AHNAK: variants seen among roughly 807,000 people sequenced by gnomAD.
The protein encoded by AHNAK is AHNAK nucleoprotein.
A neutral mutation model predicts 37.8 loss-of-function variants in AHNAK; 23 were observed. The observed-to-expected ratio is 0.61, with a 90% confidence interval of 0.44 to 0.86. AHNAK has a LOEUF of 0.86. AHNAK is among the 40% of genes least tolerant of loss of function. AHNAK has a pLI of 0.00. For synonymous variants in AHNAK, 2,481 were observed against 2,636.3 expected, an observed-to-expected ratio of 0.94 and a Z score of 1.80; for missense variants, 7,411 against 7,319.4, an observed-to-expected ratio of 1.01 and a Z score of -0.46.
At chr11:62,466,519 C>G (rs989530655) in intron 5 of AHNAK, among the ~76,000 whole-genome samples, 1 of 146,252 alleles carries the variant, frequency 6.8e-6, no homozygotes, top group African/African-American at 2.5e-5. Context: ...TTTCTCCCAA[C>G]TCAGTAAATG....
chr11:62,518,160 G>T lies in AHNAK; in HGVS notation c.16257C>A (p.Asp5419Glu). Residue 5419 changes from aspartate (D) to glutamate (E), a missense_variant, in exon 5 of 5, where the codon GAC becomes GAA. Asp to Glu is a conservative substitution (Grantham distance 45). Transcript: ENST00000378024. ...PQFGISTPGS[D>E]LHVNAKGPQV... ...GTGGCCCCTTGGCATTGACGTGCAA[G>T]TCGGACCCCGGAGTAGAGATGCCAA... 2 of 1,614,204 alleles carry T rather than the reference G, an allele frequency of 1.2e-6. No individual in the cohort carries two copies. The highest frequency in any genetic ancestry group is 1.7e-6 in the Non-Finnish European group (2 of 1,180,038).
At chr11:62,490,183 T>C (rs985997966) in intron 5 of AHNAK, among the ~76,000 whole-genome samples, 5 of 151,278 alleles carry the variant, frequency 3.3e-5, no homozygotes, top group African/African-American at 7.3e-5. Context: ...GGAGGCTTTC[T>C]TTCTTTTCTT....
chr11:62,523,108 ATTT>A lies in AHNAK; in HGVS notation c.11306_11308del (p.Lys3769del). 1 of 1,613,934 alleles carries A rather than the reference ATTT, an allele frequency of 6.2e-7. No homozygotes were observed. Among genetic ancestry groups the A allele is most frequent in the Non-Finnish European group, 8.5e-7 (1 of 1,179,970 alleles). ...TTCAGGACCCTTGAGGTCACCTTCC[ATTT>A]TGGGCAGAGAAACATCCACATCGCC... is the stretch of plus-strand genomic sequence containing the variant. On this transcript the variant is annotated inframe_deletion, in exon 5 of 5. Transcript: ENST00000378024.
intron 4 of AHNAK, among the ~76,000 whole-genome samples, chr11:62,505,009 C>T (rs1939783922): frequency 6.6e-6 from 1 of 152,170 alleles, no homozygotes; most frequent in South Asian, 2.1e-4. Flanking sequence ...CGCTGACACT[C>T]TCCAGGACCT....
intron 4 of AHNAK, among the ~76,000 whole-genome samples, chr11:62,504,887 G>C (rs1319515652): frequency 6.6e-6 from 1 of 152,136 alleles, no homozygotes; most frequent in African/African-American, 2.4e-5. Context: ...GTTTCAAAAT[G>C]CCCTAAGCTG....
At position 62,517,577 on chromosome 11, in the gene AHNAK, C is replaced by A. The variant is rs1242940953; in HGVS notation, c.16840G>T (p.Ala5614Ser). 2 of 1,614,080 alleles carry A rather than the reference C, an allele frequency of 1.2e-6. No homozygotes were observed. Among genetic ancestry groups the A allele is most frequent in the Non-Finnish European group, 1.7e-6 (2 of 1,180,044 alleles). ...SALNLDTSKF[A>S]GGLHFSGPKV... The stretch of plus-strand genomic sequence containing the variant: ...GGTCCTGAGAAATGAAGGCCCCCAG[C>A]AAACTTAGATGTGTCCAAGTTGAGA... Residue 5614 changes from alanine to serine, a missense_variant, in exon 5 of 5, where the codon GCT becomes TCT. Physicochemically the swap from Ala to Ser is moderately conservative, Grantham distance 99. Coordinates refer to ENST00000378024, the MANE Select transcript of AHNAK (RefSeq NM_001620.3).
Position 62,521,196 on chromosome 11 carries a change from CAG to C in AHNAK, c.13219_13220del (p.Leu4407AlafsTer6). ...PKVKGDVDVS[L>X]PKVEGDLKGP... Reference sequence around the variant, plus strand: ...CCTTGAGATCACCTTCCACTTTGGGCAGAGAGACATCCACATCACCTTTCACT... The same window carrying C: ...CCTTGAGATCACCTTCCACTTTGGGCAGAGACATCCACATCACCTTTCACT... On this transcript the variant is annotated frameshift_variant, in exon 5 of 5. Transcript: ENST00000378024. LOFTEE classifies it low-confidence loss of function (END_TRUNC). 1.2e-6 allele frequency: 2 copies of C among 1,613,318 alleles called. No individual in the cohort carries two copies. The highest frequency in any genetic ancestry group is 1.7e-6 in the Non-Finnish European group (2 of 1,179,800).
In AHNAK at chr11:62,525,660, G is replaced by A. The variant is rs769123063; in HGVS notation, c.8757C>T (p.Pro2919=). The A allele has an allele frequency of 1.2e-6, 2 of 1,613,376 alleles. No homozygotes were observed. The highest frequency in any genetic ancestry group is 2.2e-5 in the South Asian group (2 of 91,052). ...GGCCTGAGACATCAACGTCAGCCTT[G>A]GGCAGGTTCACATCCACTTCAGGGC... is the stretch of plus-strand genomic sequence containing the variant. ...AEGPEVDVNL[P]KADVDVSGPK... The change falls in exon 5 of 5, where the codon CCC becomes CCT. Residue 2919 remains proline, a synonymous_variant. Transcript: ENST00000378024.
Position 62,526,852 on chromosome 11 carries a change from C to T in AHNAK, c.7565G>A (p.Gly2522Asp). ...TACTTCAGGGCCCTCTGCTTTGAAG[C>T]CAGGCATGCTGAACTTGGGCATTTT... is the stretch of plus-strand genomic sequence containing the variant. ...KMKMPKFSMPGFKAEGPEVDV... is the reference protein window; with the variant it reads ...KMKMPKFSMPDFKAEGPEVDV... The change falls in exon 5 of 5, where the codon GGC becomes GAC. Residue 2522 changes from glycine to aspartate, a missense_variant. Coordinates refer to ENST00000378024, the MANE Select transcript of AHNAK (RefSeq NM_001620.3). 1.2e-6 allele frequency: 2 copies of T among 1,613,946 alleles called. No individual in the cohort carries two copies. Among genetic ancestry groups the T allele is most frequent in the Admixed American group, 1.7e-5 (1 of 59,992 alleles).
chr11:62,477,687 AG>A (rs1347450109), intron 5 of AHNAK, among the ~76,000 whole-genome samples: 4 of 152,140 alleles, frequency 2.6e-5, no homozygotes, highest in Admixed American at 1.3e-4. Context: ...CTGTAGTCCC[AG>A]CTACTAGGGA....
Position 62,529,478 on chromosome 11 carries a change from G to A in AHNAK, c.4939C>T (p.His1647Tyr), listed in dbSNP as rs1940642844. 6.2e-7 allele frequency: 1 copy of A among 1,614,060 alleles called. No individual in the cohort carries two copies. Among genetic ancestry groups the A allele is most frequent in the Admixed American group, 1.7e-5 (1 of 60,016 alleles). ...KGPKFKMPEM[H>Y]FKAPKISMPD... ...ATGGAGATCTTGGGGGCCTTGAAATGCATCTCAGGCATCTTAAACTTGGGG... is the reference window on the plus strand; with the variant it reads ...ATGGAGATCTTGGGGGCCTTGAAATACATCTCAGGCATCTTAAACTTGGGG... The change falls in exon 5 of 5, where the codon CAT (histidine) becomes TAT (tyrosine). Residue 1647 changes from histidine (H) to tyrosine (Y), a missense_variant. His to Tyr is a moderately conservative substitution (Grantham distance 83). Coordinates refer to ENST00000378024, the MANE Select transcript of AHNAK (RefSeq NM_001620.3).
In AHNAK at chr11:62,523,386, G is replaced by A; in HGVS notation, c.11031C>T (p.Asp3677=). 2 of 1,610,414 alleles carry A rather than the reference G, an allele frequency of 1.2e-6. No homozygotes were observed. The highest frequency in any genetic ancestry group is 1.7e-6 in the Non-Finnish European group (2 of 1,178,508). ...KAPKISMPDF[D]LNLKGPKMKG... is the part of the protein sequence containing the mutation. ...TCATTTTGGGTCCCTTCAAGTTCAG[G>A]TCAAAGTCAGGCATGGAGATCTTGG... The change falls in exon 5 of 5, where the codon GAC becomes GAT. Residue 3677 remains aspartate, a synonymous_variant. Transcript: ENST00000378024.
At chr11:62,461,858 A>G (rs1373459542) in intron 5 of AHNAK, among the ~76,000 whole-genome samples, 2 of 151,680 alleles carry the variant, frequency 1.3e-5, no homozygotes, top group Admixed American at 1.3e-4. Flanking sequence ...TCCACAGGAT[A>G]GTTCACGGCA....
At chr11:62,504,971 A>G (rs1939783417) in intron 4 of AHNAK, among the ~76,000 whole-genome samples, 1 of 152,218 alleles carries the variant, frequency 6.6e-6, no homozygotes. Flanking sequence ...TTTTAAATGT[A>G]AAGTTTCAAA....
chr11:62,526,563 G>A lies in AHNAK; in HGVS notation c.7854C>T (p.Pro2618=). 1 of 1,606,756 alleles carries A rather than the reference G, an allele frequency of 6.2e-7. No individual in the cohort carries two copies. Among genetic ancestry groups the A allele is most frequent in the African/African-American group, 1.4e-5 (1 of 72,514 alleles). Residue 2618 remains proline, a synonymous_variant, in exon 5 of 5, where the codon CCC becomes CCT. Transcript: ENST00000378024. The part of the protein sequence containing the change: ...LKGPEVDIKG[P]KVDINAPDVG... Reference sequence around the variant, plus strand: ...CATCTGGGGCATTAATATCCACTTTGGGCCCCTTGATGTCAACTTCGGGGC... The same window carrying A: ...CATCTGGGGCATTAATATCCACTTTAGGCCCCTTGATGTCAACTTCGGGGC...
chr11:62,514,943 T>C (rs2134185810), downstream of AHNAK, among the ~76,000 whole-genome samples: 1 of 152,266 alleles, frequency 6.6e-6, no homozygotes, highest in East Asian at 1.9e-4. Flanking sequence ...ATTTTATCTC[T>C]GTTCTGGGGG....
rs755559325 is a variant in AHNAK, at chr11:62,524,258, T to C, written c.10159A>G (p.Ile3387Val). ...DIDITGPKVD[I>V]NAPDVEVQGK... ...TGGACCTCGACATCAGGAGCATTAA[T>C]ATCAACTTTTGGACCTGTTATGTCA... is the stretch of plus-strand genomic sequence containing the variant. Residue 3387 changes from isoleucine (I) to valine (V), a missense_variant, in exon 5 of 5, where the codon ATT becomes GTT. By Grantham distance (29) the Ile-to-Val change is conservative. Coordinates refer to ENST00000378024, the MANE Select transcript of AHNAK (RefSeq NM_001620.3). The C allele has an allele frequency of 6.2e-7, 1 of 1,613,616 alleles. No homozygotes were observed. The highest frequency in any genetic ancestry group is 1.1e-5 in the South Asian group (1 of 90,878).
intron 5 of AHNAK, among the ~76,000 whole-genome samples, chr11:62,448,060 C>A (rs1235734691): frequency 6.6e-6 from 1 of 151,988 alleles, no homozygotes; most frequent in East Asian, 1.9e-4. Context: ...CACGCAAAGG[C>A]AAGGACGAGC....
chr11:62,437,081 G>A (rs987715963), intron 5 of AHNAK, among the ~76,000 whole-genome samples: 6 of 151,942 alleles, frequency 3.9e-5, no homozygotes, highest in Admixed American at 1.3e-4. Context: ...ACCCCAAAAC[G>A]TTCCCTCATG....
Sources: gnomAD v4.1 joint callset for allele counts (sites outside exome capture counted in the v4.1 genomes callset) on GRCh38, gnomAD v4.1.1 for gene constraint, MANE v1.5 for transcripts, NCBI Gene and HGNC (gene_info 2026-07-23, HGNC 2026-07-21) for gene names.